RIT2: variants seen among roughly 807,000 people sequenced by gnomAD.
RIT2 encodes Ras like without CAAX 2.
RIT2 carries 24 observed loss-of-function variants against 23.7 expected under a neutral mutation model. That is an observed-to-expected ratio of 1.01 (90% CI 0.73 to 1.43). The LOEUF (loss-of-function observed/expected upper bound fraction) is 1.43, where lower values mean the gene tolerates loss of function less well. Among genes scored for constraint, RIT2 ranks in the 40% most tolerant of loss-of-function variants. The pLI, the probability that RIT2 is intolerant of heterozygous loss-of-function variation, is 0.00. For missense variants in RIT2, 236 were observed against 266.9 expected (o/e 0.88, Z 0.81); for synonymous variants, 107 against 91.1 (o/e 1.17, Z -0.99).
chr18:42,895,385 C>A (rs924514040), intron 4 of RIT2, among the ~76,000 whole-genome samples: 1 of 152,174 alleles, frequency 6.6e-6, no homozygotes, highest in Non-Finnish European at 1.5e-5. Flanking sequence ...GACCAGAATT[C>A]TCTGAAAATG....
intron 2 of RIT2, among the ~76,000 whole-genome samples, chr18:42,977,277 T>C (rs999597662): frequency 2.6e-5 from 4 of 151,902 alleles, no homozygotes; most frequent in Non-Finnish European, 5.9e-5. Flanking sequence ...ACACATTATC[T>C]GTAAAACACA....
rs955146225 is a variant in RIT2 at position 42,794,191 on chromosome 18, A to G, written c.427-50471T>C. On this transcript the variant is annotated intron_variant, in intron 4 of 4. Coordinates refer to ENST00000326695, the MANE Select transcript of RIT2 (RefSeq NM_002930.4). ...TTTTCCTCCTTCCAGAGTGCCCTGC[A>G]GGGTGCTAGGCCACACGTTGCCTAG... is the stretch of plus-strand genomic sequence containing the variant. Among the ~76,000 whole-genome samples the G allele has an allele frequency of 1.4e-4, 21 of 152,284 alleles. 1 individual carries two copies. In the Middle Eastern group the frequency reaches 0.014, roughly 99 times the overall value.
intron 1 of RIT2, among the ~76,000 whole-genome samples, chr18:43,102,082 G>A (rs1453843075): frequency 1.3e-5 from 2 of 152,154 alleles, no homozygotes; most frequent in Non-Finnish European, 2.9e-5. Context: ...ACAGCTTCCT[G>A]ACATCAGGGA....
At chr18:43,092,674 C>T (rs188116774) in intron 1 of RIT2, among the ~76,000 whole-genome samples, 17 of 152,066 alleles carry the variant, frequency 1.1e-4, no homozygotes, top group Admixed American at 3.9e-4. Flanking sequence ...TAACTGTTAT[C>T]GAGACAGAAG....
At position 42,923,604 on chromosome 18, in the gene RIT2, C is replaced by T; in HGVS notation, c.394G>A (p.Gly132Ser). ...AACTGTTCCAGATCAATTTTGTTACCCACCAGCACCAGGGGAATTTCATAG... is the reference window on the plus strand; with the variant it reads ...AACTGTTCCAGATCAATTTTGTTACTCACCAGCACCAGGGGAATTTCATAG... ...HTYEIPLVLV[G>S]NKIDLEQFRQ... The change falls in exon 4 of 5, where the codon GGT (glycine) becomes AGT (serine). Residue 132 changes from glycine (G) to serine (S), a missense_variant. Transcript: ENST00000326695. 1 of 1,613,178 alleles carries T rather than the reference C, an allele frequency of 6.2e-7. No individual in the cohort carries two copies. Among genetic ancestry groups the T allele is most frequent in the Non-Finnish European group, 8.5e-7 (1 of 1,179,528 alleles).
At chr18:42,785,401 T>A (rs1470216732) in intron 4 of RIT2, among the ~76,000 whole-genome samples, 2 of 152,058 alleles carry the variant, frequency 1.3e-5, no homozygotes, top group African/African-American at 4.8e-5. Flanking sequence ...AGTTGAGAGA[T>A]TATATCAGGA....
chr18:42,963,779 C>A (rs1312377561), intron 3 of RIT2, among the ~76,000 whole-genome samples: 1 of 151,332 alleles, frequency 6.6e-6, no homozygotes, highest in African/African-American at 2.4e-5. Context: ...ACCCATAATC[C>A]CAGCTACTAG....
chr18:42,937,714 A>G (rs571113651), intron 3 of RIT2, among the ~76,000 whole-genome samples: 11 of 152,324 alleles, frequency 7.2e-5, no homozygotes, highest in African/African-American at 2.4e-4. Flanking sequence ...AAGATGGTAC[A>G]TAAGACAGGG....
chr18:43,091,554 C>G (rs1913423690), intron 1 of RIT2, among the ~76,000 whole-genome samples: 1 of 152,034 alleles, frequency 6.6e-6, no homozygotes, highest in Non-Finnish European at 1.5e-5. Flanking sequence ...TCATGATTAT[C>G]TTCATTTGGA....
intron 2 of RIT2, among the ~76,000 whole-genome samples, chr18:43,015,337 T>C (rs1394048974): frequency 6.6e-6 from 1 of 151,694 alleles, no homozygotes; most frequent in East Asian, 1.9e-4. Flanking sequence ...AGCAATGTCA[T>C]TCACTGACTC....
chr18:42,953,880 C>T (rs1048848441), intron 3 of RIT2, among the ~76,000 whole-genome samples: 7 of 151,998 alleles, frequency 4.6e-5, no homozygotes, highest in Admixed American at 2.6e-4. Context: ...CTATTATGCT[C>T]GAGGCTGAGC....
rs116148050 is a variant in RIT2 at position 42,756,658 on chromosome 18, T to G, written c.427-12938A>C. On this transcript the variant is annotated intron_variant, in intron 4 of 4. Transcript: ENST00000326695. ...ATATAAATGCAGGACCTTGAACGTG[T>G]AAATATACATACATGTATGTGCATG... 6.7e-3 allele frequency among the ~76,000 whole-genome samples: 1,014 copies of G among 152,294 alleles called. 8 individuals are homozygous for G. Among genetic ancestry groups the G allele is most frequent in the African/African-American group, 0.023 (971 of 41,546 alleles).
intron 4 of RIT2, among the ~76,000 whole-genome samples, chr18:42,792,564 T>G (rs998401855): frequency 2.6e-5 from 4 of 152,188 alleles, no homozygotes; most frequent in Non-Finnish European, 5.9e-5. Context: ...CATTTTCATA[T>G]TCATTCTCTA....
intron 3 of RIT2, chr18:42,948,949 T>A (rs1317158490): frequency 5.0e-6 from 2 of 397,478 alleles, no homozygotes; most frequent in Middle Eastern, 1.3e-3. Flanking sequence ...TCAGAGCAAC[T>A]CTGCTCTTGT....
chr18:42,920,754 G>A (rs199611135), intron 4 of RIT2: 3 of 1,594,324 alleles, frequency 1.9e-6, no homozygotes. Context: ...AACTCTTTCA[G>A]TGTAGGCTGA....
At chr18:42,771,018 C>A (rs2143914900) in intron 4 of RIT2, among the ~76,000 whole-genome samples, 1 of 152,260 alleles carries the variant, frequency 6.6e-6, no homozygotes, top group Non-Finnish European at 1.5e-5. Flanking sequence ...ATGCAGAATA[C>A]AAACTTTCTG....
At chr18:43,038,116 A>G (rs1448894560) in intron 1 of RIT2, among the ~76,000 whole-genome samples, 1 of 150,826 alleles carries the variant, frequency 6.6e-6, no homozygotes, top group East Asian at 2.0e-4. Context: ...GAGGCAGGAG[A>G]ATAGTGTGAA....
intron 4 of RIT2, among the ~76,000 whole-genome samples, chr18:42,909,228 A>G (rs1908703542): frequency 6.6e-6 from 1 of 152,090 alleles, no homozygotes; most frequent in African/African-American, 2.4e-5. Flanking sequence ...GGAATACAAA[A>G]CCAAATATCA....
At chr18:42,861,475 C>T (rs545422074) in intron 4 of RIT2, among the ~76,000 whole-genome samples, 8 of 152,294 alleles carry the variant, frequency 5.3e-5, no homozygotes, top group African/African-American at 1.9e-4. Context: ...TCATTGGGTA[C>T]TTATTTCAGA....
Sources: allele counts gnomAD v4.1 joint callset (sites outside exome capture counted in the v4.1 genomes callset), GRCh38; gene constraint gnomAD v4.1.1; transcripts MANE v1.5; gene names NCBI Gene and HGNC (gene_info 2026-07-23, HGNC 2026-07-21).